Variants in TMEM217 observed in about 807,000 individuals in gnomAD.
TMEM217 encodes chromosome 6 open reading frame 128.
For missense variants in TMEM217, 204 were observed against 248.8 expected (o/e 0.82, Z 1.21); for synonymous variants, 76 against 88.3 (o/e 0.86, Z 0.78).
intron 1 of TMEM217, among the ~76,000 whole-genome samples, chr6:37,222,778 G>A (rs955293872): frequency 6.6e-6 from 1 of 152,236 alleles, no homozygotes; most frequent in African/African-American, 2.4e-5. Flanking sequence ...GGTTTGGGCG[G>A]CTGCAGTAGC....
chr6:37,237,392 A>G (rs979055842), intron 1 of TMEM217, among the ~76,000 whole-genome samples: 1 of 152,218 alleles, frequency 6.6e-6, no homozygotes, highest in Non-Finnish European at 1.5e-5. Context: ...ATCAAGTCAA[A>G]ATCTTTATTG....
chr6:37,229,924 TG>T (rs1262923098), intron 1 of TMEM217, among the ~76,000 whole-genome samples: 1 of 152,242 alleles, frequency 6.6e-6, no homozygotes, highest in African/African-American at 2.4e-5. Flanking sequence ...AAGGTAGAAA[TG>T]GAGGTATCCT....
chr6:37,254,760 A>G (rs1765623845), intron 1 of TMEM217, among the ~76,000 whole-genome samples: 1 of 152,222 alleles, frequency 6.6e-6, no homozygotes, highest in Non-Finnish European at 1.5e-5. Flanking sequence ...GGAACAAAAC[A>G]AAGTCCCAGT....
intron 1 of TMEM217, among the ~76,000 whole-genome samples, chr6:37,250,054 T>A (rs1765314488): frequency 6.6e-6 from 1 of 152,244 alleles, no homozygotes; most frequent in Non-Finnish European, 1.5e-5. Flanking sequence ...TAAAATGGAC[T>A]ATTACAACAG....
At chr6:37,222,714 A>G (rs1000051521) in intron 1 of TMEM217, among the ~76,000 whole-genome samples, 3 of 152,360 alleles carry the variant, frequency 2.0e-5, no homozygotes, top group East Asian at 1.9e-4. Flanking sequence ...AGCCCGCCCA[A>G]GAGGGCGGGA....
intron 1 of TMEM217, among the ~76,000 whole-genome samples, chr6:37,232,259 C>T (rs367811887): frequency 1.4e-4 from 21 of 152,274 alleles, no homozygotes; most frequent in African/African-American, 4.3e-4. Context: ...GCTGAAATAG[C>T]GAAAGTCAGG....
chr6:37,238,866 C>T (rs1350262787), intron 1 of TMEM217, among the ~76,000 whole-genome samples: 1 of 152,180 alleles, frequency 6.6e-6, no homozygotes, highest in African/African-American at 2.4e-5. Flanking sequence ...CATGGTGGCT[C>T]ACGCCTGTAA....
intron 1 of TMEM217, among the ~76,000 whole-genome samples, chr6:37,234,803 G>A (rs1313459442): frequency 1.3e-5 from 2 of 151,926 alleles, no homozygotes; most frequent in Non-Finnish European, 2.9e-5. Context: ...TAAATAGGAG[G>A]GGAAATAGAA....
chr6:37,248,605 T>C (rs181528118), intron 1 of TMEM217, among the ~76,000 whole-genome samples: 5 of 152,318 alleles, frequency 3.3e-5, no homozygotes, highest in Non-Finnish European at 7.4e-5. Flanking sequence ...TCTTCCTCTC[T>C]TTGAGCTTCA....
At chr6:37,218,690 A>G (rs1763356773) in exon 2 of TMEM217, 1 of 1,614,176 alleles carries the variant, frequency 6.2e-7, no homozygotes, top group East Asian at 2.2e-5. Flanking sequence ...ATTGTTGGTG[A>G]GGATTTGTAT....
intron 1 of TMEM217, among the ~76,000 whole-genome samples, chr6:37,241,633 T>A (rs1764774776): frequency 6.6e-6 from 1 of 152,202 alleles, no homozygotes; most frequent in Admixed American, 6.5e-5. Context: ...TTCTGGGTCA[T>A]CCCTGGGAGC....
chr6:37,247,576 T>G (rs984015313), intron 1 of TMEM217, among the ~76,000 whole-genome samples: 3 of 152,090 alleles, frequency 2.0e-5, no homozygotes, highest in Admixed American at 2.0e-4. Flanking sequence ...TTGGTAGAGA[T>G]GGGGTTTCAC....
intron 1 of TMEM217, among the ~76,000 whole-genome samples, chr6:37,221,190 C>CTTT (rs1159972171): frequency 7.0e-6 from 1 of 143,494 alleles, no homozygotes; most frequent in Non-Finnish European, 1.5e-5. Flanking sequence ...TAAGTGGAGT[C>CTTT]TTTTTTTTTT....
intron 1 of TMEM217, among the ~76,000 whole-genome samples, chr6:37,231,003 T>A (rs958189018): frequency 2.0e-5 from 3 of 152,080 alleles, no homozygotes; most frequent in African/African-American, 7.2e-5. Context: ...ACCAAATCAA[T>A]TCAAGAACCT....
chr6:37,235,622 T>C (rs1764460320), intron 1 of TMEM217, among the ~76,000 whole-genome samples: 1 of 151,880 alleles, frequency 6.6e-6, no homozygotes, highest in African/African-American at 2.4e-5. Flanking sequence ...CACCTTGGCC[T>C]CCCAAAGTGC....
intron 1 of TMEM217, among the ~76,000 whole-genome samples, chr6:37,246,487 T>A (rs1308529780): frequency 6.6e-6 from 1 of 152,182 alleles, no homozygotes; most frequent in Non-Finnish European, 1.5e-5. Context: ...ATATACTCCA[T>A]CTACTCTCAT....
At chr6:37,220,485 T>C (rs372338832) in intron 1 of TMEM217, among the ~76,000 whole-genome samples, 52 of 151,870 alleles carry the variant, frequency 3.4e-4, no homozygotes, top group African/African-American at 1.1e-3. Flanking sequence ...AGTTGGCTTG[T>C]TAACTACACT....
At chr6:37,255,397 C>A (rs1765660452) in intron 1 of TMEM217, among the ~76,000 whole-genome samples, 3 of 152,062 alleles carry the variant, frequency 2.0e-5, no homozygotes, top group Non-Finnish European at 4.4e-5. Context: ...CAGGGTGTCT[C>A]TGGGCAGGGT....
intron 1 of TMEM217, among the ~76,000 whole-genome samples, chr6:37,255,683 C>CA (rs56891432): frequency 0.03 from 3,078 of 102,360 alleles, 103 homozygotes; most frequent in African/African-American, 0.091. Context: ...GACCTGGTCT[C>CA]AAAAAAAAAA....
Sources: gnomAD v4.1 joint callset for allele counts (sites outside exome capture counted in the v4.1 genomes callset) on GRCh38, gnomAD v4.1.1 for gene constraint, MANE v1.5 for transcripts, NCBI Gene and HGNC (gene_info 2026-07-23, HGNC 2026-07-21) for gene names.